FAT3: variants seen among roughly 807,000 people sequenced by gnomAD.
FAT3 encodes the protein protocadherin Fat 3.
In FAT3, 95 loss-of-function variants were observed where a neutral mutation model predicts 310.2. That is an observed-to-expected ratio of 0.31 (90% CI 0.26 to 0.36). The LOEUF is 0.36. FAT3 is among the 10% of genes least tolerant of loss of function. The pLI is 1.00. For synonymous variants in FAT3, 2,314 were observed against 2,192.9 expected, an observed-to-expected ratio of 1.06 and a Z score of -1.54; for missense variants, 5,408 against 5,715.6, an observed-to-expected ratio of 0.95 and a Z score of 1.74.
In FAT3 at chr11:92,659,581, A is replaced by G. The variant is rs146194291; in HGVS notation, c.3608-37803A>G. ...TCCCTATTTTGCAGATGAAAAATTC[A>G]GGAAGTCTCTGAGAGGAAAAGTAGG... On this transcript the variant is annotated intron_variant, in intron 3 of 27. Transcript: ENST00000525166. 2.5e-4 allele frequency among the ~76,000 whole-genome samples: 38 copies of G among 152,320 alleles called. No individual in the cohort carries two copies. The East Asian group carries it at 7.1e-3, about 29-fold the overall frequency.
chr11:92,570,467 C>G (rs943193968), intron 3 of FAT3, among the ~76,000 whole-genome samples: 2 of 152,160 alleles, frequency 1.3e-5, no homozygotes, highest in African/African-American at 2.4e-5. Flanking sequence ...AATTTGAGAA[C>G]ATATGCACAA....
intron 5 of FAT3, 25 bp from the exon 6 acceptor site, chr11:92,764,854 T>G (rs1399824408): frequency 6.2e-7 from 1 of 1,606,786 alleles, no homozygotes; most frequent in East Asian, 2.2e-5. Context: ...TGAGACATCT[T>G]TCTCTTCTCT....
At chr11:92,408,473 C>T (rs512746) in intron 2 of FAT3, among the ~76,000 whole-genome samples, 16,273 of 152,148 alleles carry the variant, frequency 0.11, 928 homozygotes, top group South Asian at 0.17. Context: ...AGTTCCCCCA[C>T]CTGAAGCATG....
chr11:92,442,572 T>G (rs1486999840), intron 2 of FAT3, among the ~76,000 whole-genome samples: 2 of 152,192 alleles, frequency 1.3e-5, no homozygotes, highest in African/African-American at 4.8e-5. Flanking sequence ...ATGTACTCTG[T>G]AAAGTAGCAG....
At chr11:92,548,221 C>T (rs182556853) in intron 3 of FAT3, among the ~76,000 whole-genome samples, 3 of 152,134 alleles carry the variant, frequency 2.0e-5, no homozygotes, top group African/African-American at 7.2e-5. Context: ...CTTCCCTAAG[C>T]CTTGTTGTGC....
intron 2 of FAT3, among the ~76,000 whole-genome samples, chr11:92,503,879 G>A (rs942492079): frequency 6.6e-6 from 1 of 152,080 alleles, no homozygotes; most frequent in African/African-American, 2.4e-5. Context: ...CATATGTAAA[G>A]GGATTTGCTT....
intron 2 of FAT3, among the ~76,000 whole-genome samples, chr11:92,425,008 A>G (rs1318775290): frequency 1.1e-4 from 16 of 152,180 alleles, no homozygotes; most frequent in Admixed American, 1.0e-3. Context: ...ACACTTTCCA[A>G]TGACAATAAT....
At chr11:92,759,776 G>A (rs76943667) in intron 4 of FAT3, among the ~76,000 whole-genome samples, 5,549 of 152,158 alleles carry the variant, frequency 0.036, 236 homozygotes, top group East Asian at 0.21. Flanking sequence ...TTTTATAGCA[G>A]CAGCATCCTC....
At chr11:92,365,174 G>A (rs975535031) in intron 2 of FAT3, among the ~76,000 whole-genome samples, 1 of 152,128 alleles carries the variant, frequency 6.6e-6, no homozygotes, top group Non-Finnish European at 1.5e-5. Context: ...GGAGGCTGAG[G>A]TGGGAGGATC....
chr11:92,571,670 G>A (rs1006329748), intron 3 of FAT3, among the ~76,000 whole-genome samples: 9 of 152,126 alleles, frequency 5.9e-5, no homozygotes, highest in African/African-American at 2.2e-4. Flanking sequence ...GGTAAGACTC[G>A]CATAGCCACT....
In FAT3 at chr11:92,798,547, C is replaced by T. The variant is rs1947238681; in HGVS notation, c.5534C>T (p.Ala1845Val). Residue 1845 changes from alanine to valine, a missense_variant, in exon 10 of 28, where the codon GCC (alanine) becomes GTC (valine). Coordinates refer to ENST00000525166, the MANE Select transcript of FAT3 (RefSeq NM_001367949.2). ...GCCAACCTGGACCATGAAACCATTG[C>T]CCATTTCCATTTTCATGTGCATGTG... ...TIANLDHETIAHFHFHVHVRD... is the reference protein window; with the variant it reads ...TIANLDHETIVHFHFHVHVRD... 1.2e-6 allele frequency: 2 copies of T among 1,613,558 alleles called. No homozygotes were observed. The highest frequency in any genetic ancestry group is 2.2e-5 in the East Asian group (1 of 44,834).
intron 3 of FAT3, among the ~76,000 whole-genome samples, chr11:92,554,460 TCAAAAAAA>T: frequency 2.3e-5 from 1 of 44,342 alleles, no homozygotes; most frequent in Non-Finnish European, 3.4e-5. Context: ...AGACTCCATC[TCAAAAAAA>T]AAAAAAAAAA....
intron 3 of FAT3, among the ~76,000 whole-genome samples, chr11:92,557,906 A>G (rs1955079242): frequency 6.6e-6 from 1 of 152,216 alleles, no homozygotes; most frequent in African/African-American, 2.4e-5. Context: ...GTGAAGATTC[A>G]CCAGGATTGC....
At chr11:92,814,256 A>G (rs1481031710) in intron 13 of FAT3, among the ~76,000 whole-genome samples, 1 of 152,232 alleles carries the variant, frequency 6.6e-6, no homozygotes, top group Admixed American at 6.5e-5. Context: ...AATTGCAGAG[A>G]AAAGACAAGG....
chr11:92,346,536 T>C (rs973441154), intron 1 of FAT3, among the ~76,000 whole-genome samples: 1 of 152,176 alleles, frequency 6.6e-6, no homozygotes, highest in Non-Finnish European at 1.5e-5. Flanking sequence ...CTGGACCCTT[T>C]ATCCTTACCT....
intron 13 of FAT3, among the ~76,000 whole-genome samples, chr11:92,815,103 C>T (rs1234014284): frequency 6.6e-6 from 1 of 152,028 alleles, no homozygotes; most frequent in Non-Finnish European, 1.5e-5. Context: ...TGGAAATGAA[C>T]CATTGAGCAC....
At chr11:92,505,092 T>C (rs1478609297) in intron 2 of FAT3, among the ~76,000 whole-genome samples, 1 of 151,924 alleles carries the variant, frequency 6.6e-6, no homozygotes, top group Non-Finnish European at 1.5e-5. Context: ...AGTAGACAGG[T>C]GGATGGAGCA....
intron 22 of FAT3, among the ~76,000 whole-genome samples, chr11:92,876,488 T>G (rs755842110): frequency 2.1e-4 from 32 of 152,344 alleles, no homozygotes; most frequent in Non-Finnish European, 3.8e-4. Flanking sequence ...TCTGTAGACA[T>G]AGCTGGCATC....
At chr11:92,529,194 A>AAAAAC (rs1302608260) in intron 3 of FAT3, among the ~76,000 whole-genome samples, 3 of 152,234 alleles carry the variant, frequency 2.0e-5, no homozygotes, top group African/African-American at 7.2e-5. Flanking sequence ...TATTTAAAAC[A>AAAAAC]AAAACAAAAC....
Sources: allele counts gnomAD v4.1 joint callset (sites outside exome capture counted in the v4.1 genomes callset), GRCh38; gene constraint gnomAD v4.1.1; transcripts MANE v1.5; gene names NCBI Gene and HGNC (gene_info 2026-07-23, HGNC 2026-07-21).